Variants in FOXP2 observed in about 807,000 individuals in gnomAD.
FOXP2 encodes the protein forkhead box P2.
Under a neutral mutation model 115.8 loss-of-function variants are expected in FOXP2, and 12 were observed. The observed-to-expected ratio is 0.10, with a 90% CI of 0.07 to 0.17. The LOEUF is 0.17. FOXP2 is among the 10% of genes least tolerant of loss of function. FOXP2 has a pLI of 1.00. For synonymous variants in FOXP2, 328 were observed against 297.7 expected, an observed-to-expected ratio of 1.10 and a Z score of -1.05; for missense variants, 629 against 843.5, an observed-to-expected ratio of 0.75 and a Z score of 3.15.
chr7:114,453,875 G>A (rs1426075237), intron 2 of FOXP2, among the ~76,000 whole-genome samples: 2 of 152,024 alleles, frequency 1.3e-5, no homozygotes, highest in African/African-American at 4.8e-5. Flanking sequence ...ATTCAAGATG[G>A]ATTAAAGATT....
chr7:114,556,806 A>G (rs1480374066), intron 3 of FOXP2, among the ~76,000 whole-genome samples: 1 of 152,200 alleles, frequency 6.6e-6, no homozygotes, highest in Non-Finnish European at 1.5e-5. Context: ...ATTATTTTGA[A>G]TAGTTTTTTC....
intron 2 of FOXP2, among the ~76,000 whole-genome samples, chr7:114,433,043 A>C (rs987045430): frequency 6.6e-6 from 1 of 152,138 alleles, no homozygotes; most frequent in South Asian, 2.1e-4. Flanking sequence ...GAAAAAGAAA[A>C]GTGAAATCTA....
intron 1 of FOXP2, among the ~76,000 whole-genome samples, chr7:114,245,087 C>A (rs1795248722): frequency 6.6e-6 from 1 of 152,134 alleles, no homozygotes; most frequent in Non-Finnish European, 1.5e-5. Context: ...TATATACATT[C>A]TATTTTATTC....
At chr7:114,152,419 G>A (rs1023372063) in intron 1 of FOXP2, among the ~76,000 whole-genome samples, 2 of 152,160 alleles carry the variant, frequency 1.3e-5, no homozygotes, top group Non-Finnish European at 2.9e-5. Context: ...ATGGTAGAGT[G>A]TTTGCCCATC....
intron 1 of FOXP2, among the ~76,000 whole-genome samples, chr7:114,135,032 C>T (rs1792001460): frequency 6.6e-6 from 1 of 152,160 alleles, no homozygotes; most frequent in Admixed American, 6.5e-5. Flanking sequence ...GTGCATATAT[C>T]GTTGTCCAGT....
chr7:114,237,617 C>T (rs758939621), intron 1 of FOXP2, among the ~76,000 whole-genome samples: 1 of 151,920 alleles, frequency 6.6e-6, no homozygotes, highest in Non-Finnish European at 1.5e-5. Flanking sequence ...CAGTAAATCT[C>T]TGCTTTTGTT....
rs80063189 is a variant in FOXP2 at position 114,526,519 on chromosome 7, C to T, written c.169-8098C>T. Among the ~76,000 whole-genome samples, 745 of 151,100 alleles carry T rather than the reference C, an allele frequency of 4.9e-3. 5 individuals carry two copies. The highest frequency in any genetic ancestry group is 0.017 in the African/African-American group (711 of 41,296). On this transcript the variant is annotated intron_variant, in intron 2 of 16. Transcript: ENST00000350908. ...AAAAAACACAACAAACAAAACCCCTCAAACTGTAACTCTCTTTTATTTTAG... is the reference window on the plus strand; with the variant it reads ...AAAAAACACAACAAACAAAACCCCTTAAACTGTAACTCTCTTTTATTTTAG...
intron 2 of FOXP2, among the ~76,000 whole-genome samples, chr7:114,467,236 G>T (rs918560899): frequency 6.6e-6 from 1 of 152,140 alleles, no homozygotes; most frequent in East Asian, 1.9e-4. Context: ...CTAGAAGGAG[G>T]AGTGGTGGTG....
chr7:114,691,036 T>C lies in FOXP2; in HGVS notation c.*1110T>C, dbSNP rs1276142578. The stretch of plus-strand genomic sequence containing the variant: ...ATTAAAGACAGAGGTGAGGACAAAA[T>C]CCGCAGTGGAAGTTATGATATGCTA... On this transcript the variant is annotated 3_prime_UTR_variant, in exon 17 of 17. Transcript: ENST00000350908. 2.2e-6 allele frequency: 1 copy of C among 454,026 alleles called. No homozygotes were observed. The highest frequency in any genetic ancestry group is 2.0e-5 in the African/African-American group (1 of 49,970). The allele number at this position is 454,026 out of a possible 1,614,324, so 28.1% of individuals were successfully genotyped here.
At chr7:114,557,904 G>A (rs1358770475) in intron 3 of FOXP2, among the ~76,000 whole-genome samples, 2 of 151,778 alleles carry the variant, frequency 1.3e-5, no homozygotes, top group African/African-American at 4.8e-5. Context: ...CTGCCTCCCG[G>A]GTTCAAGCAG....
chr7:114,623,862 G>A (rs1436113757), intron 3 of FOXP2, among the ~76,000 whole-genome samples: 2 of 151,928 alleles, frequency 1.3e-5, no homozygotes, highest in East Asian at 1.9e-4. Context: ...TGTTGTTCCT[G>A]TCACACTATT....
intron 2 of FOXP2, among the ~76,000 whole-genome samples, chr7:114,469,516 AT>A (rs1357173207): frequency 1.3e-5 from 2 of 152,158 alleles, no homozygotes; most frequent in Non-Finnish European, 2.9e-5. Context: ...AAAAGTTTAT[AT>A]TTTAGTTGGT....
intron 1 of FOXP2, among the ~76,000 whole-genome samples, chr7:114,200,153 A>G (rs950928430): frequency 1.3e-5 from 2 of 152,314 alleles, no homozygotes; most frequent in African/African-American, 2.4e-5. Flanking sequence ...GCCATCACCA[A>G]ATAACTTTGG....
At chr7:114,476,387 C>T (rs1364705414) in intron 2 of FOXP2, among the ~76,000 whole-genome samples, 2 of 151,894 alleles carry the variant, frequency 1.3e-5, no homozygotes, top group Non-Finnish European at 2.9e-5. Flanking sequence ...AGTTCTTTTC[C>T]CATGCTTATT....
chr7:114,421,559 G>T (rs1562916240), intron 1 of FOXP2, among the ~76,000 whole-genome samples: 1 of 151,118 alleles, frequency 6.6e-6, no homozygotes, highest in Non-Finnish European at 1.5e-5. Flanking sequence ...GTTTAAATAA[G>T]TAAAAAGTAG....
At chr7:114,532,440 T>C (rs1474468690) in intron 2 of FOXP2, among the ~76,000 whole-genome samples, 1 of 151,918 alleles carries the variant, frequency 6.6e-6, no homozygotes, top group African/African-American at 2.4e-5. Flanking sequence ...TGCCTACTAA[T>C]GATTCCTTTG....
rs369464210 is a variant in FOXP2 at position 114,570,792 on chromosome 7, C to T, written c.258+36086C>T. On this transcript the variant is annotated intron_variant, in intron 3 of 16. Coordinates refer to ENST00000350908, the MANE Select transcript of FOXP2 (RefSeq NM_014491.4). ...GAAAAAAAAGCCAACTCCTGATTCT[C>T]TTTGTTTAACCTAGGAATTGCTTCC... 87 of 1,607,464 alleles carry T rather than the reference C, an allele frequency of 5.4e-5. No homozygotes were observed. The African/African-American group carries it at 1.0e-3, about 19-fold the overall frequency.
chr7:114,487,968 C>T (rs968696178), intron 2 of FOXP2, among the ~76,000 whole-genome samples: 10 of 152,176 alleles, frequency 6.6e-5, no homozygotes, highest in Non-Finnish European at 1.3e-4. Context: ...ATATTTACAA[C>T]AGCACCCAAC....
rs1584971534 is a variant in FOXP2, at chr7:114,631,522, T to TACC, written c.598-4_598-2dup. 6.4e-7 allele frequency: 1 copy of TACC among 1,560,362 alleles called. No individual in the cohort carries two copies. The highest frequency in any genetic ancestry group is 1.4e-5 in the African/African-American group (1 of 73,158). The stretch of plus-strand genomic sequence containing the variant: ...CTGTTTACTGGTTTGGGTTTTCTGA[T>TACC]ACCAGCAGCAGCAGCAGCAGCAGCA... On this transcript the variant is annotated splice_region_variant and splice_polypyrimidine_tract_variant and intron_variant, in intron 5 of 16. Coordinates refer to ENST00000350908, the MANE Select transcript of FOXP2 (RefSeq NM_014491.4).
Sources: allele counts gnomAD v4.1 joint callset (sites outside exome capture counted in the v4.1 genomes callset), GRCh38; gene constraint gnomAD v4.1.1; transcripts MANE v1.5; gene names NCBI Gene and HGNC (gene_info 2026-07-23, HGNC 2026-07-21).